Variants in BMPR2 observed in about 807,000 individuals in gnomAD.
BMPR2 encodes the protein bone morphogenetic protein receptor type-2.
BMPR2 carries 29 observed loss-of-function variants against 100.8 expected under a neutral mutation model. The ratio of observed to expected loss-of-function variants is 0.29; its 90% confidence interval spans 0.21 to 0.39. BMPR2 has a LOEUF of 0.39. Ranked by LOEUF, BMPR2 falls within the 10% of genes least tolerant of loss-of-function variation. The pLI is 1.00. For synonymous variants in BMPR2, 382 were observed against 442.3 expected (o/e 0.86, Z 1.71); for missense variants, 1,011 against 1,274.5 (o/e 0.79, Z 3.15).
At chr2:202,493,532 G>A (rs1559054972) in intron 3 of BMPR2, among the ~76,000 whole-genome samples, 2 of 151,906 alleles carry the variant, frequency 1.3e-5, no homozygotes, top group Non-Finnish European at 1.5e-5. Context: ...ACTTAAATGT[G>A]ATCTTTCCAT....
chr2:202,471,561 A>T (rs1692438218), intron 3 of BMPR2, among the ~76,000 whole-genome samples: 1 of 152,170 alleles, frequency 6.6e-6, no homozygotes, highest in South Asian at 2.1e-4. Context: ...CATAACCTGA[A>T]TTTAATCATG....
intron 10 of BMPR2, among the ~76,000 whole-genome samples, chr2:202,547,781 C>CA (rs373601864): frequency 0.031 from 1,787 of 56,782 alleles, 24 homozygotes; most frequent in South Asian, 0.076. Context: ...AGATCCATCA[C>CA]AAAAAAAAAA....
chr2:202,430,250 A>G lies in BMPR2; in HGVS notation c.77-34559A>G, dbSNP rs1691477105. Among the ~76,000 whole-genome samples the G allele has an allele frequency of 2.0e-5, 3 of 152,338 alleles. No homozygotes were observed. The South Asian group carries it at 6.2e-4, about 32-fold the overall frequency. ...AAATATAGTCACACTGAGGGGGGAT[A>G]GGGCTTCATTATATGAATTTTGGGG... On this transcript the variant is annotated intron_variant, in intron 1 of 12. Coordinates refer to ENST00000374580, the MANE Select transcript of BMPR2 (RefSeq NM_001204.7).
chr2:202,378,423 G>A (rs1223018662), intron 1 of BMPR2, among the ~76,000 whole-genome samples: 1 of 152,078 alleles, frequency 6.6e-6, no homozygotes, highest in Non-Finnish European at 1.5e-5. Context: ...GGTTTATGAT[G>A]GGCAAATGGA....
intron 1 of BMPR2, among the ~76,000 whole-genome samples, chr2:202,442,884 G>A (rs960662532): frequency 1.3e-5 from 2 of 150,574 alleles, no homozygotes; most frequent in African/African-American, 5.0e-5. Context: ...TGCCTATTGT[G>A]AATAATAATG....
At chr2:202,482,601 C>T (rs1372364703) in intron 3 of BMPR2, among the ~76,000 whole-genome samples, 4 of 150,978 alleles carry the variant, frequency 2.6e-5, no homozygotes, top group Non-Finnish European at 4.4e-5. Flanking sequence ...TACAGTGGCA[C>T]GATCTCGGCT....
At chr2:202,461,497 A>C (rs1012372935) in intron 1 of BMPR2, among the ~76,000 whole-genome samples, 14 of 152,282 alleles carry the variant, frequency 9.2e-5, no homozygotes, top group African/African-American at 3.4e-4. Flanking sequence ...AAAAAAGAAC[A>C]ATACTTAGAT....
chr2:202,516,431 T>G (rs1197922026), intron 5 of BMPR2, among the ~76,000 whole-genome samples: 1 of 152,182 alleles, frequency 6.6e-6, no homozygotes, highest in Non-Finnish European at 1.5e-5. Flanking sequence ...CCAGCTCTTT[T>G]GGGAGGCCAA....
intron 1 of BMPR2, among the ~76,000 whole-genome samples, chr2:202,412,663 T>G (rs1266162516): frequency 6.6e-6 from 1 of 152,208 alleles, no homozygotes; most frequent in Non-Finnish European, 1.5e-5. Context: ...TTGGCACCTA[T>G]ATTTCTCAAT....
intron 1 of BMPR2, among the ~76,000 whole-genome samples, chr2:202,397,398 CACTT>C (rs1361423254): frequency 6.6e-6 from 1 of 152,152 alleles, no homozygotes; most frequent in Admixed American, 6.5e-5. Flanking sequence ...TCTATAGTCT[CACTT>C]AAGTAGATTA....
At chr2:202,534,574 G>T (rs1188532983) in intron 9 of BMPR2, among the ~76,000 whole-genome samples, 3 of 152,146 alleles carry the variant, frequency 2.0e-5, no homozygotes, top group Admixed American at 6.5e-5. Flanking sequence ...CACAGGGTTG[G>T]GGGCAAGGTC....
chr2:202,416,994 G>T (rs368125951), intron 1 of BMPR2, among the ~76,000 whole-genome samples: 6 of 151,200 alleles, frequency 4.0e-5, no homozygotes, highest in Non-Finnish European at 7.4e-5. Flanking sequence ...CCGCCACCAC[G>T]CCCGGCTAAT....
At chr2:202,511,611 T>C (rs1687626722) in intron 3 of BMPR2, among the ~76,000 whole-genome samples, 1 of 152,218 alleles carries the variant, frequency 6.6e-6, no homozygotes, top group Admixed American at 6.5e-5. Flanking sequence ...TGCCAATGTA[T>C]GTGAAATAAT....
chr2:202,445,020 TC>T (rs1336478666), intron 1 of BMPR2, among the ~76,000 whole-genome samples: 1 of 150,202 alleles, frequency 6.7e-6, no homozygotes, highest in Non-Finnish European at 1.5e-5. Flanking sequence ...ACTCCCGACA[TC>T]AGGTGATCCA....
chr2:202,532,760 T>A lies in BMPR2; in HGVS notation c.1276+28T>A, dbSNP rs765506357. The stretch of plus-strand genomic sequence containing the variant: ...AAAAACTACTGTCAAAAGTTGATAT[T>A]TTTTGAAGTGAAGCAGTTATATCTT... On this transcript the variant is annotated intron_variant, in intron 9 of 12. Transcript: ENST00000374580. This position sits in a 1 kb window ranked among gnomAD's most constrained non-coding sequence, Gnocchi z 4.1. The A allele has an allele frequency of 6.2e-7, 1 of 1,605,724 alleles. No individual in the cohort carries two copies. The highest frequency in any genetic ancestry group is 8.5e-7 in the Non-Finnish European group (1 of 1,177,892).
At chr2:202,437,873 G>A (rs1691646832) in intron 1 of BMPR2, among the ~76,000 whole-genome samples, 1 of 150,438 alleles carries the variant, frequency 6.6e-6, no homozygotes, top group Non-Finnish European at 1.5e-5. Flanking sequence ...TCAATTGATG[G>A]ACATGCGGTT....
intron 1 of BMPR2, among the ~76,000 whole-genome samples, chr2:202,435,130 C>T (rs1403892509): frequency 6.9e-6 from 1 of 144,532 alleles, no homozygotes; most frequent in Non-Finnish European, 1.5e-5. Context: ...GAGGCCAAGG[C>T]AGGCAGATCA....
rs1235796126 is a variant in BMPR2 at position 202,403,162 on chromosome 2, A to C, written c.76+25612A>C. Among the ~76,000 whole-genome samples, 87 of 141,280 alleles carry C rather than the reference A, an allele frequency of 6.2e-4. No homozygotes were observed. The East Asian group carries it at 0.015, about 25-fold the overall frequency. 92.7% of individuals were successfully genotyped at this position (141,280 alleles called of 152,430 possible). Reference sequence around the variant, plus strand: ...ATTTTTGTATTTTTAGTAGAGATGAACCCTCTCCCTCCCCTTCCCCTCCCC... The same window carrying C: ...ATTTTTGTATTTTTAGTAGAGATGACCCCTCTCCCTCCCCTTCCCCTCCCC... On this transcript the variant is annotated intron_variant, in intron 1 of 12. Coordinates refer to ENST00000374580, the MANE Select transcript of BMPR2 (RefSeq NM_001204.7).
chr2:202,407,444 A>G (rs541827713), intron 1 of BMPR2, among the ~76,000 whole-genome samples: 1 of 152,014 alleles, frequency 6.6e-6, no homozygotes, highest in Non-Finnish European at 1.5e-5. Context: ...GTTGGTTATC[A>G]TAAATTTTGG....
Sources: allele counts gnomAD v4.1 joint callset (sites outside exome capture counted in the v4.1 genomes callset), GRCh38; gene constraint gnomAD v4.1.1; non-coding constraint Gnocchi (gnomAD v3.1); transcripts MANE v1.5; gene names NCBI Gene and HGNC (gene_info 2026-07-23, HGNC 2026-07-21).